Variants in MCC observed in about 807,000 individuals in gnomAD.
MCC encodes the protein colorectal mutant cancer protein.
A neutral mutation model predicts 116.2 loss-of-function variants in MCC; 90 were observed. The ratio of observed to expected loss-of-function variants is 0.77; its 90% CI spans 0.65 to 0.92. The LOEUF (loss-of-function observed/expected upper bound fraction) is 0.92, where lower values mean the gene tolerates loss of function less well. Ranked by LOEUF, MCC falls within the 40% of genes least tolerant of loss-of-function variation. MCC has a pLI of 0.00. For synonymous variants in MCC, 578 were observed against 510.5 expected, an observed-to-expected ratio of 1.13 and a Z score of -1.78; for missense variants, 1,516 against 1,312.2, an observed-to-expected ratio of 1.16 and a Z score of -2.40.
chr5:113,161,253 G>A (rs2150297373), intron 3 of MCC, among the ~76,000 whole-genome samples: 1 of 152,290 alleles, frequency 6.6e-6, no homozygotes, highest in Non-Finnish European at 1.5e-5. Context: ...CATCATGGAG[G>A]AGATGAAGAT....
intron 1 of MCC, among the ~76,000 whole-genome samples, chr5:113,468,737 G>A (rs1771988099): frequency 6.6e-6 from 1 of 152,160 alleles, no homozygotes; most frequent in African/African-American, 2.4e-5. Context: ...CTATTGATTG[G>A]AATAGTTTCA....
intron 3 of MCC, among the ~76,000 whole-genome samples, chr5:113,300,442 C>G (rs1766834107): frequency 6.6e-6 from 1 of 152,214 alleles, no homozygotes; most frequent in Admixed American, 6.5e-5. Context: ...TCTGGTTAAA[C>G]TAATTCACAC....
intron 17 of MCC, among the ~76,000 whole-genome samples, chr5:113,032,799 G>T (rs1027628543): frequency 5.9e-5 from 9 of 152,190 alleles, no homozygotes; most frequent in Non-Finnish European, 1.3e-4. Flanking sequence ...CAGTAAAGAA[G>T]CCAGCCAAAA....
At chr5:113,154,021 C>G (rs1005260837) in intron 3 of MCC, among the ~76,000 whole-genome samples, 1 of 152,220 alleles carries the variant, frequency 6.6e-6, no homozygotes, top group African/African-American at 2.4e-5. Context: ...CATATCTTCT[C>G]TGATTATAAA....
chr5:113,088,094 T>C (rs1322685503), intron 8 of MCC, among the ~76,000 whole-genome samples: 4 of 152,220 alleles, frequency 2.6e-5, no homozygotes, highest in African/African-American at 9.6e-5. Flanking sequence ...AGAATGTCTT[T>C]AAAAACTAAA....
At chr5:113,052,123 A>G (rs567106550) in intron 15 of MCC, among the ~76,000 whole-genome samples, 1 of 114,098 alleles carries the variant, frequency 8.8e-6, no homozygotes, top group Non-Finnish European at 2.1e-5. Flanking sequence ...AGGGAGTATT[A>G]GAACTTTTAT....
chr5:113,319,358 G>C (rs1268562748), intron 3 of MCC, among the ~76,000 whole-genome samples: 1 of 152,190 alleles, frequency 6.6e-6, no homozygotes, highest in Non-Finnish European at 1.5e-5. Context: ...ACCCAAATGA[G>C]GCTTTTCTCT....
intron 5 of MCC, among the ~76,000 whole-genome samples, chr5:113,125,690 T>TA (rs1189347871): frequency 2.0e-5 from 3 of 152,104 alleles, no homozygotes; most frequent in South Asian, 2.1e-4. Flanking sequence ...ATGGAGTAAG[T>TA]AAAAAACACC....
At chr5:113,117,960 A>G (rs1447631258) in intron 6 of MCC, among the ~76,000 whole-genome samples, 4 of 152,238 alleles carry the variant, frequency 2.6e-5, no homozygotes, top group Non-Finnish European at 5.9e-5. Context: ...AGCAAATGAC[A>G]TCAACCACTG....
At chr5:113,409,793 G>A (rs776177807) in intron 1 of MCC, among the ~76,000 whole-genome samples, 1 of 152,168 alleles carries the variant, frequency 6.6e-6, no homozygotes, top group Non-Finnish European at 1.5e-5. Flanking sequence ...ATCAGATAGT[G>A]AGGACAAGGA....
At chr5:113,435,605 T>C (rs960934730) in intron 1 of MCC, 1 of 152,386 alleles carries the variant, frequency 6.6e-6, no homozygotes, top group Non-Finnish European at 1.5e-5. Flanking sequence ...AGAAGAGTGG[T>C]GTGTCAAGAA....
chr5:113,028,880 G>C, intron 18 of MCC, 54 bp downstream of exon 18: 1 of 1,594,972 alleles, frequency 6.3e-7, no homozygotes, highest in Middle Eastern at 1.7e-4. Context: ...CAGGGTGTCA[G>C]TCCAAGTACC....
intron 6 of MCC, among the ~76,000 whole-genome samples, chr5:113,118,512 C>G (rs1422181180): frequency 3.3e-5 from 5 of 152,160 alleles, no homozygotes; most frequent in Non-Finnish European, 5.9e-5. Context: ...CAGCTGGACT[C>G]TGATGGGTGG....
chr5:113,289,148 C>T (rs1281775014), intron 3 of MCC, among the ~76,000 whole-genome samples: 2 of 151,876 alleles, frequency 1.3e-5, no homozygotes, highest in South Asian at 4.1e-4. Flanking sequence ...CTGACCAACA[C>T]GGTGAAACTC....
intron 1 of MCC, among the ~76,000 whole-genome samples, chr5:113,416,584 G>T (rs1770155299): frequency 6.6e-6 from 1 of 152,154 alleles, no homozygotes; most frequent in Non-Finnish European, 1.5e-5. Context: ...ATACATAAAT[G>T]CATGTATATG....
chr5:113,412,711 C>T (rs538528085), intron 1 of MCC, among the ~76,000 whole-genome samples: 25 of 152,314 alleles, frequency 1.6e-4, no homozygotes, highest in African/African-American at 5.8e-4. Flanking sequence ...ATCATGTCAT[C>T]TGTAAACAGG....
intron 1 of MCC, chr5:113,433,773 C>T (rs1770745901): frequency 6.2e-7 from 1 of 1,613,868 alleles, no homozygotes. Context: ...TTGGGGGGGC[C>T]CTTCCTCTGT....
chr5:113,145,729 A>G (rs1759457789), intron 4 of MCC, among the ~76,000 whole-genome samples: 1 of 138,748 alleles, frequency 7.2e-6, no homozygotes, highest in Non-Finnish European at 1.5e-5. Context: ...TTCTCTAATA[A>G]ACTTGCTTAC....
At chr5:113,384,843 C>T (rs1769211647) in intron 2 of MCC, 125 bp downstream of exon 2, 1 of 1,101,776 alleles carries the variant, frequency 9.1e-7, no homozygotes, top group African/African-American at 1.6e-5. Context: ...GAAAGTGTGG[C>T]CAGGAGGGCA....
Sources: gnomAD v4.1 joint callset for allele counts (sites outside exome capture counted in the v4.1 genomes callset) on GRCh38, gnomAD v4.1.1 for gene constraint, MANE v1.5 for transcripts, NCBI Gene and HGNC (gene_info 2026-07-23, HGNC 2026-07-21) for gene names.